PCYT1A: variants seen among roughly 807,000 people sequenced by gnomAD.
PCYT1A encodes the protein phosphate cytidylyltransferase 1A, choline.
In PCYT1A, 25 loss-of-function variants were observed where a neutral mutation model predicts 43.7. The observed-to-expected ratio is 0.57, with a 90% confidence interval of 0.42 to 0.80. The LOEUF is 0.80. PCYT1A is among the 30% of genes least tolerant of loss of function. PCYT1A has a pLI of 0.00. For synonymous variants in PCYT1A, 172 were observed against 170.7 expected, an observed-to-expected ratio of 1.01 and a Z score of -0.06; for missense variants, 421 against 474.2, an observed-to-expected ratio of 0.89 and a Z score of 1.04.
chr3:196,272,276 C>A lies in PCYT1A; in HGVS notation c.-10-1735G>T, dbSNP rs191311448. 1.4e-4 allele frequency among the ~76,000 whole-genome samples: 22 copies of A among 152,230 alleles called. No individual in the cohort carries two copies. In the East Asian group the frequency reaches 4.2e-3, roughly 29 times the overall value. On this transcript the variant is annotated intron_variant, in intron 1 of 8. Coordinates refer to ENST00000431016, the MANE Select transcript of PCYT1A (RefSeq NM_001312673.2). ...CTCGGCTCACTACAACCTCCGCCTC[C>A]CAGGTTCAAGCGATTCTCCTGCCTC...
rs746462763 is a variant in PCYT1A at position 196,238,731 on chromosome 3, T to C, written c.1061A>G (p.His354Arg). ...PPCSPANLSR[H>R]KAAAYDISED... ...ACTGATATCATAGGCTGCAGCCTTG[T>C]GCCTGGAGAGATTTGCTGGGGAGCA... The change falls in exon 9 of 9, where the codon CAC becomes CGC. Residue 354 changes from histidine (H) to arginine (R), a missense_variant. By Grantham distance (29) the His-to-Arg change is conservative. Transcript: ENST00000431016. The C allele has an allele frequency of 3.1e-6, 5 of 1,592,100 alleles. No homozygotes were observed. The South Asian group carries it at 5.7e-5, about 18-fold the overall frequency.
chr3:196,265,885 C>T (rs1725255173), intron 2 of PCYT1A, among the ~76,000 whole-genome samples: 2 of 151,802 alleles, frequency 1.3e-5, no homozygotes, highest in Admixed American at 1.3e-4. Context: ...ACTACAGGCG[C>T]CCACCACTGC....
intron 5 of PCYT1A, among the ~76,000 whole-genome samples, chr3:196,245,568 A>G (rs905717492): frequency 6.6e-6 from 1 of 152,208 alleles, no homozygotes; most frequent in African/African-American, 2.4e-5. Flanking sequence ...CCTTTTGCTG[A>G]TAATTACTAA....
chr3:196,250,887 TGCTGAG>T (rs1248006544), intron 3 of PCYT1A, among the ~76,000 whole-genome samples: 32 of 149,720 alleles, frequency 2.1e-4, no homozygotes, highest in African/African-American at 6.9e-4. Context: ...AGATACACTA[TGCTGAG>T]GCTGAGGACC....
intron 2 of PCYT1A, among the ~76,000 whole-genome samples, chr3:196,266,573 A>T (rs549138670): frequency 2.3e-4 from 35 of 152,038 alleles, no homozygotes; most frequent in Admixed American, 9.2e-4. Flanking sequence ...TATATGATGG[A>T]ATGTTATTTG....
At chr3:196,259,821 G>A (rs1460181564) in intron 2 of PCYT1A, among the ~76,000 whole-genome samples, 1 of 146,084 alleles carries the variant, frequency 6.8e-6, no homozygotes, top group East Asian at 2.1e-4. Context: ...CTCCAGCCTG[G>A]GCAACAGAGC....
rs1724386013 is a variant in PCYT1A at position 196,242,401 on chromosome 3, T to C, written c.565+161A>G. 4.2e-6 allele frequency: 3 copies of C among 720,114 alleles called. No homozygotes were observed. The highest frequency in any genetic ancestry group is 2.6e-6 in the Non-Finnish European group (1 of 388,252). The allele number at this position is 720,114 out of a possible 1,614,324, so 44.6% of individuals were successfully genotyped here. Reference sequence around the variant, plus strand: ...GATGTCATGAACTGACGACAAAGAATTGATGGGTGCTATGCTCATCTTTAC... The same window carrying C: ...GATGTCATGAACTGACGACAAAGAACTGATGGGTGCTATGCTCATCTTTAC... On this transcript the variant is annotated intron_variant, in intron 6 of 8. Transcript: ENST00000431016. The surrounding 1 kb of genome is among the most constrained non-coding windows in gnomAD (Gnocchi z 4.2).
At chr3:196,285,390 C>T (rs142510259) in intron 1 of PCYT1A, among the ~76,000 whole-genome samples, 2,977 of 152,042 alleles carry the variant, frequency 0.02, 36 homozygotes, top group Non-Finnish European at 0.027. Context: ...AACCAGGAGG[C>T]GGAGGTTGCA....
chr3:196,281,224 A>G (rs1725762921), intron 1 of PCYT1A, among the ~76,000 whole-genome samples: 1 of 152,238 alleles, frequency 6.6e-6, no homozygotes, highest in Non-Finnish European at 1.5e-5. Context: ...CAAGCTCTGG[A>G]AACTCAAGGG....
chr3:196,254,890 C>A (rs1396337209), intron 3 of PCYT1A, among the ~76,000 whole-genome samples: 1 of 152,128 alleles, frequency 6.6e-6, no homozygotes, highest in African/African-American at 2.4e-5. Context: ...TTGCCCTTCA[C>A]ACTCTCCCTT....
At chr3:196,265,411 C>T (rs1261789572) in intron 2 of PCYT1A, among the ~76,000 whole-genome samples, 1 of 151,982 alleles carries the variant, frequency 6.6e-6, no homozygotes, top group Admixed American at 6.6e-5. Context: ...TTTGTAAATA[C>T]TTTTGTGATC....
At position 196,255,514 on chromosome 3, in the gene PCYT1A, C is replaced by T. The variant is rs572096645; in HGVS notation, c.217+2274G>A. On this transcript the variant is annotated intron_variant, in intron 3 of 8. Coordinates refer to ENST00000431016, the MANE Select transcript of PCYT1A (RefSeq NM_001312673.2). The stretch of plus-strand genomic sequence containing the variant: ...TTAAAAACAATTATACCAGTCAGGA[C>T]TTGTTAATTATAAGCTTTAAAACTT... 1.0e-3 allele frequency among the ~76,000 whole-genome samples: 156 copies of T among 152,260 alleles called. 3 individuals carry two copies. The highest frequency in any genetic ancestry group is 1.1e-3 in the Non-Finnish European group (76 of 68,024).
rs752992150 is a variant in PCYT1A at position 196,241,811 on chromosome 3, A to G, written c.708+137T>C. ...GTTTCATTCTTTTTGTGAACAGTTA[A>G]CATAGTGGTAATTCATTCACTGAAC... On this transcript the variant is annotated intron_variant, in intron 7 of 8. Coordinates refer to ENST00000431016, the MANE Select transcript of PCYT1A (RefSeq NM_001312673.2). 4 of 1,209,706 alleles carry G rather than the reference A, an allele frequency of 3.3e-6. No homozygotes were observed. In the African/African-American group the frequency reaches 6.0e-5, roughly 18 times the overall value. The allele number at this position is 1,209,706 out of a possible 1,614,324, so 74.9% of individuals were successfully genotyped here.
intron 2 of PCYT1A, among the ~76,000 whole-genome samples, chr3:196,259,527 T>G (rs768643818): frequency 1.3e-5 from 2 of 151,858 alleles, no homozygotes; most frequent in Non-Finnish European, 2.9e-5. Flanking sequence ...TTAAAACACG[T>G]TTTTTTTGTT....
At position 196,236,448 on chromosome 3, in the gene PCYT1A, G is replaced by C. The variant is rs1724166838; in HGVS notation, c.*2240C>G. 1 of 152,214 alleles carries C rather than the reference G, an allele frequency of 6.6e-6. No individual in the cohort carries two copies. Among genetic ancestry groups the C allele is most frequent in the African/African-American group, 2.4e-5 (1 of 41,442 alleles). 9.4% of individuals were successfully genotyped at this position (152,214 alleles called of 1,614,324 possible). A position where few individuals can be genotyped will look rare whatever the true frequency, so the allele number is the denominator to read the frequency against. On this transcript the variant is annotated 3_prime_UTR_variant, in exon 9 of 9. Coordinates refer to ENST00000431016, the MANE Select transcript of PCYT1A (RefSeq NM_001312673.2). The stretch of plus-strand genomic sequence containing the variant: ...GTAACACAGGAAAACACTAACTTCA[G>C]CTGTTTCAAAGACAGACAGGATTCC...
chr3:196,244,656 G>A (rs993709264), intron 5 of PCYT1A, among the ~76,000 whole-genome samples: 6 of 152,256 alleles, frequency 3.9e-5, no homozygotes, highest in Non-Finnish European at 8.8e-5. Flanking sequence ...AGAAAAGGGG[G>A]AAATGTGGGG....
At position 196,236,718 on chromosome 3, in the gene PCYT1A, C is replaced by G. The variant is rs1806777; in HGVS notation, c.*1970G>C. Reference sequence around the variant, plus strand: ...GTCTCGCTCTGTCACCCAGGCTGGACTGCAGCGGCACCATCTCTGCTCACT... The same window carrying G: ...GTCTCGCTCTGTCACCCAGGCTGGAGTGCAGCGGCACCATCTCTGCTCACT... On this transcript the variant is annotated 3_prime_UTR_variant, in exon 9 of 9. Coordinates refer to ENST00000431016, the MANE Select transcript of PCYT1A (RefSeq NM_001312673.2). The G allele has an allele frequency of 0.053, 8,049 of 152,248 alleles. 624 individuals carry two copies. The highest frequency in any genetic ancestry group is 0.17 in the African/African-American group (6,967 of 41,472). The allele number at this position is 152,248 out of a possible 1,614,324, so 9.4% of individuals were successfully genotyped here.
intron 1 of PCYT1A, chr3:196,283,346 T>A (rs1357325004): frequency 6.6e-6 from 1 of 151,516 alleles, no homozygotes; most frequent in African/African-American, 2.4e-5. Flanking sequence ...AATAAATAAA[T>A]AGAAAGAAAG....
intron 2 of PCYT1A, among the ~76,000 whole-genome samples, chr3:196,263,045 G>A (rs900238956): frequency 9.9e-5 from 15 of 151,792 alleles, no homozygotes; most frequent in Non-Finnish European, 5.9e-5. Flanking sequence ...CACCCGCCTC[G>A]GCCTCCCAAA....
Sources: gnomAD v4.1 joint callset for allele counts (sites outside exome capture counted in the v4.1 genomes callset) on GRCh38, gnomAD v4.1.1 for gene constraint, Gnocchi (gnomAD v3.1) non-coding constraint, MANE v1.5 for transcripts, NCBI Gene and HGNC (gene_info 2026-07-23, HGNC 2026-07-21) for gene names.